The following HTT variants were observed in gnomAD, a reference collection of about 807,000 sequenced individuals.
The protein encoded by HTT is huntingtin.
Under a neutral mutation model 362.3 loss-of-function variants are expected in HTT, and 104 were observed. That is an observed-to-expected ratio of 0.29 (90% CI 0.24 to 0.34). The LOEUF (loss-of-function observed/expected upper bound fraction) is 0.34. Among genes scored for constraint, HTT ranks in the 10% least tolerant of loss-of-function variants. HTT has a pLI of 1.00. For synonymous variants in HTT, 1,577 were observed against 1,548.7 expected (o/e 1.02, Z -0.43); for missense variants, 3,301 against 3,928.6 (o/e 0.84, Z 4.27).
rs778905754 is a variant in HTT at position 3,160,322 on chromosome 4, G to A, written c.3794G>A (p.Gly1265Glu). The change falls in exon 29 of 67, where the codon GGG becomes GAG. Residue 1265 changes from glycine (G) to glutamate (E), a missense_variant. Physicochemically the swap from Gly to Glu is moderately conservative, Grantham distance 98 (BLOSUM62 -2). This residue lies in a region of HTT where 2,316 missense variants were observed against 2,658.5 expected (regional missense o/e 0.87). Coordinates refer to ENST00000355072, the MANE Select transcript of HTT (RefSeq NM_001388492.1). ...DLQNSTEKFG[G>E]FLRSALDVLS... ...CAGAACAGCACGGAAAAGTTTGGAG[G>A]GTTTCTCCGCTCAGCCTTGGATGTT... is the stretch of plus-strand genomic sequence containing the variant. 1 of 1,553,892 alleles carries A rather than the reference G, an allele frequency of 6.4e-7. No individual in the cohort carries two copies. The highest frequency in any genetic ancestry group is 1.4e-5 in the African/African-American group (1 of 73,492).
chr4:3,135,847 G>C, intron 19 of HTT, 57 bp from the exon 20 acceptor site: 1 of 1,401,610 alleles, frequency 7.1e-7, no homozygotes, highest in South Asian at 1.3e-5. Flanking sequence ...GCAAGCTGGC[G>C]GTAAGTGTTT....
chr4:3,140,589 G>A lies in HTT; in HGVS notation c.2878G>A (p.Val960Ile), dbSNP rs1716296101. Residue 960 changes from valine to isoleucine, a missense_variant, in exon 22 of 67, where the codon GTT becomes ATT. Physicochemically the swap from Val to Ile is conservative, Grantham distance 29. This residue lies in a region of HTT where 2,316 missense variants were observed against 2,658.5 expected (regional missense o/e 0.87). Transcript: ENST00000355072. ...VVAVARDQSS[V>I]YLKLLMHETQ... is the part of the protein sequence containing the mutation. ...GGCCGTGGCAAGAGATCAAAGCAGT[G>A]TTTACCTGAAACTTCTCATGCATGA... 6.2e-7 allele frequency: 1 copy of A among 1,614,098 alleles called. No individual in the cohort carries two copies.
At chr4:3,133,739 C>T (rs942029250) in intron 18 of HTT, among the ~76,000 whole-genome samples, 21 of 152,234 alleles carry the variant, frequency 1.4e-4, no homozygotes, top group African/African-American at 4.8e-4. Context: ...AAAATCAAAG[C>T]AAAAAACCTA....
Position 3,223,477 on chromosome 4 carries a change from G to A in HTT, c.7542G>A (p.Met2514Ile). 6.2e-7 allele frequency: 1 copy of A among 1,613,864 alleles called. No homozygotes were observed. Among genetic ancestry groups the A allele is most frequent in the Non-Finnish European group, 8.5e-7 (1 of 1,179,782 alleles). ...QAITSLVLSA[M>I]TVPVAGNPAV... ...TCACCTCACTGGTGCTCAGTGCAAT[G>A]ACTGTGCCTGTGGCCGGCAACCCAG... Residue 2514 changes from methionine to isoleucine, a missense_variant, in exon 55 of 67, where the codon ATG (methionine) becomes ATA (isoleucine). Transcript: ENST00000355072.
Position 3,187,845 on chromosome 4 carries a change from A to C in HTT, c.5184A>C (p.Glu1728Asp), listed in dbSNP as rs1718839768. 1 of 1,612,880 alleles carries C rather than the reference A, an allele frequency of 6.2e-7. No individual in the cohort carries two copies. The highest frequency in any genetic ancestry group is 8.5e-7 in the Non-Finnish European group (1 of 1,179,054). ...DSTSTLEEHS[E>D]GKQIKNLPEE... ...CTTCAACGCTAGAAGAACACAGTGA[A>C]GGGAAACAAATAAAGAATTTGCCAG... Residue 1728 changes from glutamate (E) to aspartate (D), a missense_variant, in exon 39 of 67, where the codon GAA becomes GAC. Coordinates refer to ENST00000355072, the MANE Select transcript of HTT (RefSeq NM_001388492.1).
chr4:3,186,219 C>T lies in HTT; in HGVS notation c.4867-378C>T, dbSNP rs373269972. On this transcript the variant is annotated intron_variant, in intron 37 of 66. Coordinates refer to ENST00000355072, the MANE Select transcript of HTT (RefSeq NM_001388492.1). ...AGAAAAAGAAAAAAAAAAGTGCACA[C>T]CATCCCATGTATGTGTATACAAAGG... is the stretch of plus-strand genomic sequence containing the variant. Among the ~76,000 whole-genome samples, 11 of 152,156 alleles carry T rather than the reference C, an allele frequency of 7.2e-5. No homozygotes were observed. In the East Asian group the frequency reaches 1.5e-3, roughly 21 times the overall value.
At chr4:3,132,467 C>A in intron 16 of HTT, 95 bp from the exon 17 acceptor site, 1 of 1,033,180 alleles carries the variant, frequency 9.7e-7, no homozygotes, top group Non-Finnish European at 1.4e-6. Context: ...TCTCTTCACA[C>A]CTCTTTTTCT....
chr4:3,226,404 G>C (rs1720917328), intron 57 of HTT, among the ~76,000 whole-genome samples: 1 of 152,182 alleles, frequency 6.6e-6, no homozygotes, highest in South Asian at 2.1e-4. Flanking sequence ...TCAGGAGGTT[G>C]AGGCTGCAGT....
At position 3,235,161 on chromosome 4, in the gene HTT, A is replaced by G; in HGVS notation, c.8457-123A>G. Reference sequence around the variant, plus strand: ...GGGGCCTGGGGGAGCCACTCAGGGTAGGCGCTCCCGGGAGCCCGCCTGGCC... The same window carrying G: ...GGGGCCTGGGGGAGCCACTCAGGGTGGGCGCTCCCGGGAGCCCGCCTGGCC... On this transcript the variant is annotated intron_variant, in intron 61 of 66. Transcript: ENST00000355072. 1.3e-5 allele frequency: 9 copies of G among 692,884 alleles called. 2 individuals are homozygous for G. In the South Asian group the frequency reaches 1.5e-4, roughly 12 times the overall value. 42.9% of individuals were successfully genotyped at this position (692,884 alleles called of 1,614,324 possible).
chr4:3,112,465 T>G (rs534797525), intron 6 of HTT, among the ~76,000 whole-genome samples: 1 of 152,354 alleles, frequency 6.6e-6, no homozygotes, highest in African/African-American at 2.4e-5. Context: ...GACTGCTGGC[T>G]TCTAATTCCA....
chr4:3,077,383 T>A (rs1712614426), intron 1 of HTT, among the ~76,000 whole-genome samples: 1 of 152,136 alleles, frequency 6.6e-6, no homozygotes, highest in Non-Finnish European at 1.5e-5. Flanking sequence ...AAGATAGATT[T>A]AAAATGCTCT....
intron 50 of HTT, 38 bp from the exon 51 acceptor site, chr4:3,215,072 G>T: frequency 6.7e-7 from 1 of 1,487,840 alleles, no homozygotes; most frequent in Non-Finnish European, 9.4e-7. Flanking sequence ...TGATGGAAGT[G>T]TGTAGAAATT....
At chr4:3,107,703 A>G (rs1714506871) in intron 6 of HTT, among the ~76,000 whole-genome samples, 1 of 152,168 alleles carries the variant, frequency 6.6e-6, no homozygotes, top group Non-Finnish European at 1.5e-5. Flanking sequence ...GGCGTACTAG[A>G]GTGACTCTTT....
At chr4:3,128,447 G>A (rs1715625451) in intron 12 of HTT, 1 of 152,122 alleles carries the variant, frequency 6.6e-6, no homozygotes, top group African/African-American at 2.4e-5. Flanking sequence ...TATGAACTCT[G>A]CTAAAATTGA....
intron 27 of HTT, among the ~76,000 whole-genome samples, chr4:3,156,626 A>G (rs970974682): frequency 3.9e-5 from 6 of 152,230 alleles, no homozygotes; most frequent in African/African-American, 1.4e-4. Flanking sequence ...GCACTTTAAT[A>G]TTTAGTATCG....
intron 6 of HTT, among the ~76,000 whole-genome samples, chr4:3,108,593 C>T (rs1714558219): frequency 6.6e-6 from 1 of 152,126 alleles, no homozygotes; most frequent in South Asian, 2.1e-4. Flanking sequence ...TATTTTTGTA[C>T]TCTTAGTTCT....
chr4:3,203,887 C>T (rs1339436404), intron 41 of HTT, 120 bp from the exon 42 acceptor site: 12 of 900,860 alleles, frequency 1.3e-5, no homozygotes, highest in Non-Finnish European at 2.1e-5. Context: ...TCTGATATGG[C>T]AATATTTAAA....
At chr4:3,198,902 C>T (rs1429445926) in intron 40 of HTT, among the ~76,000 whole-genome samples, 2 of 152,218 alleles carry the variant, frequency 1.3e-5, no homozygotes, top group Non-Finnish European at 2.9e-5. Flanking sequence ...CAGGAGCCTG[C>T]AGAGGGCACA....
chr4:3,217,134 C>T (rs1417698985), intron 51 of HTT, among the ~76,000 whole-genome samples: 1 of 152,208 alleles, frequency 6.6e-6, no homozygotes, highest in Non-Finnish European at 1.5e-5. Flanking sequence ...ACTGTAGAAT[C>T]TCGTGGCCTG....
Sources: allele counts gnomAD v4.1 joint callset (sites outside exome capture counted in the v4.1 genomes callset), GRCh38; gene constraint gnomAD v4.1.1; regional missense constraint gnomAD v4.1.1; transcripts MANE v1.5; gene names NCBI Gene and HGNC (gene_info 2026-07-23, HGNC 2026-07-21).